CCDC60: variants seen among roughly 807,000 people sequenced by gnomAD.
CCDC60 encodes coiled-coil domain containing 60.
In CCDC60, 54 loss-of-function variants were observed where a neutral mutation model predicts 63.5. That is an observed-to-expected ratio of 0.85 (90% confidence interval 0.68 to 1.07). CCDC60 has a LOEUF of 1.07. Among genes scored for constraint, CCDC60 ranks in the 50% least tolerant of loss-of-function variants. CCDC60 has a pLI of 0.00. For synonymous variants in CCDC60, 206 were observed against 238.8 expected, an observed-to-expected ratio of 0.86 and a Z score of 1.27; for missense variants, 651 against 684.3, an observed-to-expected ratio of 0.95 and a Z score of 0.54.
chr12:119,498,146 T>C (rs1412949210), intron 5 of CCDC60, among the ~76,000 whole-genome samples: 1 of 152,092 alleles, frequency 6.6e-6, no homozygotes, highest in Non-Finnish European at 1.5e-5. Flanking sequence ...GGAAAAGCCT[T>C]TGATTCTGCT....
rs928224159 is a variant in CCDC60 at position 119,334,989 on chromosome 12, C to T, written c.-188C>T. On this transcript the variant is annotated 5_prime_UTR_variant, in exon 1 of 14. Coordinates refer to ENST00000327554, the MANE Select transcript of CCDC60 (RefSeq NM_178499.5). ...CTGCCCTACCCGGACTTCCTTATCCCGTCTGTGGGAGACCCAGGTGCTTTC... is the reference window on the plus strand; with the variant it reads ...CTGCCCTACCCGGACTTCCTTATCCTGTCTGTGGGAGACCCAGGTGCTTTC... The T allele has an allele frequency of 1.2e-5, 6 of 508,862 alleles. No individual in the cohort carries two copies. Among genetic ancestry groups the T allele is most frequent in the Non-Finnish European group, 2.1e-5 (6 of 287,906 alleles). 31.5% of individuals were successfully genotyped at this position (508,862 alleles called of 1,614,324 possible).
intron 12 of CCDC60, among the ~76,000 whole-genome samples, chr12:119,529,187 G>T (rs750520277): frequency 6.6e-6 from 1 of 152,070 alleles, no homozygotes; most frequent in Non-Finnish European, 1.5e-5. Context: ...CAGCATAAGG[G>T]TGATGATAAG....
At chr12:119,351,397 C>T (rs1955655417) in intron 1 of CCDC60, among the ~76,000 whole-genome samples, 1 of 152,136 alleles carries the variant, frequency 6.6e-6, no homozygotes, top group Non-Finnish European at 1.5e-5. Context: ...TAAAAAAATA[C>T]CTGAGTCTGG....
At chr12:119,531,474 C>G (rs534053984) in intron 13 of CCDC60, among the ~76,000 whole-genome samples, 2 of 152,248 alleles carry the variant, frequency 1.3e-5, no homozygotes, top group East Asian at 3.9e-4. Flanking sequence ...ATGCACAATA[C>G]AGTTTGAGAA....
chr12:119,472,069 GCAA>G lies in CCDC60; in HGVS notation c.254_256del (p.Gln85del), dbSNP rs1402361805. ...GGGAAGAGACTGCAAAGAAAAAGAA[GCAA>G]CAACAACTTCAGAAACTGAAAGAGG... On this transcript the variant is annotated inframe_deletion, in exon 3 of 14. Transcript: ENST00000327554. 27 of 1,613,956 alleles carry G rather than the reference GCAA, an allele frequency of 1.7e-5. No individual in the cohort carries two copies. Among genetic ancestry groups the G allele is most frequent in the Non-Finnish European group, 2.2e-5 (26 of 1,179,986 alleles).
intron 1 of CCDC60, among the ~76,000 whole-genome samples, chr12:119,368,980 G>A (rs1346315891): frequency 6.6e-6 from 1 of 152,158 alleles, no homozygotes. Flanking sequence ...GGAATGGGTG[G>A]GGACAGACAA....
chr12:119,458,351 A>T (rs1950787160), intron 2 of CCDC60, among the ~76,000 whole-genome samples: 1 of 152,132 alleles, frequency 6.6e-6, no homozygotes. Flanking sequence ...ATAGCCCCAT[A>T]TTTCTTGTAG....
chr12:119,442,768 A>C (rs1950473199), intron 2 of CCDC60, among the ~76,000 whole-genome samples: 1 of 152,254 alleles, frequency 6.6e-6, no homozygotes. Context: ...TTAAATTTTT[A>C]AGCATGCAGC....
intron 1 of CCDC60, among the ~76,000 whole-genome samples, chr12:119,339,723 G>T (rs567807911): frequency 6.6e-6 from 1 of 152,136 alleles, no homozygotes; most frequent in African/African-American, 2.4e-5. Context: ...CAGGAGGCTT[G>T]CTTGAGCCCA....
At chr12:119,360,870 C>G (rs976291685) in intron 1 of CCDC60, among the ~76,000 whole-genome samples, 2 of 152,184 alleles carry the variant, frequency 1.3e-5, no homozygotes, top group South Asian at 4.1e-4. Flanking sequence ...GAACCAGACT[C>G]TGTCTGCAAT....
At chr12:119,436,941 T>C (rs530774961) in intron 2 of CCDC60, among the ~76,000 whole-genome samples, 44 of 152,316 alleles carry the variant, frequency 2.9e-4, no homozygotes, top group African/African-American at 1.0e-3. Context: ...TGGATTTCCA[T>C]GAGACCTTTC....
At chr12:119,494,178 A>G (rs1237659152) in intron 5 of CCDC60, among the ~76,000 whole-genome samples, 1 of 152,208 alleles carries the variant, frequency 6.6e-6, no homozygotes, top group Non-Finnish European at 1.5e-5. Flanking sequence ...CTACCTAGAA[A>G]TGAGTAGACT....
chr12:119,522,153 G>C (rs769754240), intron 9 of CCDC60, among the ~76,000 whole-genome samples: 1 of 152,198 alleles, frequency 6.6e-6, no homozygotes, highest in Non-Finnish European at 1.5e-5. Context: ...AGATAAAGTG[G>C]TCAGACAGTT....
chr12:119,433,974 C>T (rs950075286), intron 2 of CCDC60, among the ~76,000 whole-genome samples: 3 of 152,150 alleles, frequency 2.0e-5, no homozygotes, highest in African/African-American at 7.2e-5. Flanking sequence ...AGTGCGATGA[C>T]GTACCTTCCT....
intron 1 of CCDC60, among the ~76,000 whole-genome samples, chr12:119,381,400 G>T (rs963781738): frequency 2.6e-5 from 4 of 152,126 alleles, no homozygotes; most frequent in African/African-American, 9.7e-5. Context: ...TTCTCCAATT[G>T]AAGCTGTTCT....
intron 1 of CCDC60, among the ~76,000 whole-genome samples, chr12:119,394,802 C>T (rs1956221320): frequency 6.6e-6 from 1 of 152,230 alleles, no homozygotes; most frequent in Admixed American, 6.5e-5. Flanking sequence ...AAGGTCAGCT[C>T]TGATCTCAGG....
chr12:119,478,839 T>C (rs1399106043), intron 3 of CCDC60, among the ~76,000 whole-genome samples: 1 of 152,060 alleles, frequency 6.6e-6, no homozygotes, highest in Admixed American at 6.5e-5. Context: ...TCTCCTGACC[T>C]TGTGATCCAC....
At chr12:119,454,511 C>A (rs1483529700) in intron 2 of CCDC60, among the ~76,000 whole-genome samples, 2 of 152,162 alleles carry the variant, frequency 1.3e-5, no homozygotes, top group Admixed American at 1.3e-4. Context: ...TGGAGACTCT[C>A]CCAGGCCAAA....
At chr12:119,377,889 G>A (rs1012227916) in intron 1 of CCDC60, among the ~76,000 whole-genome samples, 3 of 152,180 alleles carry the variant, frequency 2.0e-5, no homozygotes, top group Non-Finnish European at 2.9e-5. Context: ...GCTGTCTCAC[G>A]CCAGGGAAAT....
Sources: allele counts gnomAD v4.1 joint callset (sites outside exome capture counted in the v4.1 genomes callset), GRCh38; gene constraint gnomAD v4.1.1; transcripts MANE v1.5; gene names NCBI Gene and HGNC (gene_info 2026-07-23, HGNC 2026-07-21).